Variants in SLIT3 observed in about 807,000 individuals in gnomAD.
SLIT3 encodes the protein slit homolog 3 protein.
In SLIT3, 68 loss-of-function variants were observed where a neutral mutation model predicts 184.0. The ratio of observed to expected loss-of-function variants is 0.37; its 90% CI spans 0.30 to 0.45. The LOEUF (loss-of-function observed/expected upper bound fraction) is 0.45. SLIT3 is among the 20% of genes least tolerant of loss of function. The pLI, the probability that SLIT3 is intolerant of heterozygous loss-of-function variation, is 1.00. For synonymous variants in SLIT3, 831 were observed against 828.6 expected, an observed-to-expected ratio of 1.00 and a Z score of -0.05; for missense variants, 1,707 against 2,026.0, an observed-to-expected ratio of 0.84 and a Z score of 3.02.
Position 168,685,930 on chromosome 5 carries a change from G to A in SLIT3, c.3315-3C>T, listed in dbSNP as rs1454089507. On this transcript the variant is annotated splice_polypyrimidine_tract_variant and splice_region_variant and intron_variant, in intron 30 of 35. Transcript: ENST00000519560. ...GGGGGTGTTCACAGAAGGGTCCACT[G>A]GAAGGCAGGAGAGAATGGGGAGGGA... The A allele has an allele frequency of 6.2e-7, 1 of 1,605,102 alleles. No homozygotes were observed. Among genetic ancestry groups the A allele is most frequent in the Admixed American group, 1.7e-5 (1 of 59,352 alleles).
intron 21 of SLIT3, 87 bp from the exon 22 acceptor site, chr5:168,723,091 C>T (rs1200431797): frequency 1.1e-6 from 1 of 887,974 alleles, no homozygotes; most frequent in Middle Eastern, 2.2e-4. Context: ...TACCTGCCAT[C>T]CACCCACTCA....
intron 32 of SLIT3, among the ~76,000 whole-genome samples, chr5:168,676,103 C>T (rs1761401458): frequency 6.6e-6 from 1 of 152,070 alleles, no homozygotes; most frequent in Non-Finnish European, 1.5e-5. Context: ...ACCCACCCTC[C>T]TCTGCATCCA....
chr5:168,861,665 T>C (rs767380839), intron 5 of SLIT3, among the ~76,000 whole-genome samples: 7 of 152,086 alleles, frequency 4.6e-5, no homozygotes, highest in Non-Finnish European at 7.3e-5. Context: ...CAGAGAAAAT[T>C]TGCACATCCA....
intron 4 of SLIT3, among the ~76,000 whole-genome samples, chr5:169,030,139 G>A (rs1189600543): frequency 2.6e-5 from 4 of 152,144 alleles, no homozygotes; most frequent in African/African-American, 9.7e-5. Flanking sequence ...CCCTCTCCCT[G>A]CTATTATTTA....
At position 168,764,258 on chromosome 5, in the gene SLIT3, C is replaced by A. The variant is rs566571008; in HGVS notation, c.1460-1569G>T. Among the ~76,000 whole-genome samples the A allele has an allele frequency of 4.6e-5, 7 of 152,266 alleles. No homozygotes were observed. The South Asian group carries it at 1.5e-3, about 32-fold the overall frequency. On this transcript the variant is annotated intron_variant, in intron 14 of 35. Coordinates refer to ENST00000519560, the MANE Select transcript of SLIT3 (RefSeq NM_003062.4). Reference sequence around the variant, plus strand: ...TGAATGTAGCTAGCAGTAACAGTGGCCATTTACTGAACATATACTGAGCCG... The same window carrying A: ...TGAATGTAGCTAGCAGTAACAGTGGACATTTACTGAACATATACTGAGCCG...
At chr5:169,106,742 A>G (rs1198485311) in intron 4 of SLIT3, among the ~76,000 whole-genome samples, 1 of 152,162 alleles carries the variant, frequency 6.6e-6, no homozygotes, top group Admixed American at 6.5e-5. Flanking sequence ...ATAATTTACT[A>G]ACTTCATTTC....
At chr5:169,137,189 C>T (rs996136671) in intron 4 of SLIT3, among the ~76,000 whole-genome samples, 4 of 152,130 alleles carry the variant, frequency 2.6e-5, no homozygotes, top group African/African-American at 7.2e-5. Context: ...TACTTTACCT[C>T]GCCCAACTCT....
chr5:168,687,103 G>C lies in SLIT3; in HGVS notation c.3190C>G (p.Pro1064Ala), dbSNP rs10072243. Residue 1064 changes from proline to alanine, a missense_variant, in exon 30 of 36, where the codon CCT (proline) becomes GCT (alanine). Physicochemically the swap from Pro to Ala is conservative, Grantham distance 27 (BLOSUM62 -1). Around this residue, in one of 3 missense-constraint regions of SLIT3, gnomAD observed 1,307 missense variants for 1,511.6 expected, o/e 0.86. Transcript: ENST00000519560. ...LDKGFSCECV[P>A]GYSGKLCETD... ...TCACAGAGCTTCCCGCTGTAGCCAG[G>C]GACACACTCGCAGCTGGAACATAGG... 5.5e-3 allele frequency: 8,887 copies of C among 1,614,000 alleles called. 415 individuals carry two copies. The African/African-American group carries it at 0.1, about 19-fold the overall frequency.
chr5:169,128,277 T>C lies in SLIT3; in HGVS notation c.413+65202A>G, dbSNP rs1397318242. Among the ~76,000 whole-genome samples the C allele has an allele frequency of 9.5e-5, 14 of 147,518 alleles. No individual in the cohort carries two copies. The Admixed American group carries it at 9.5e-4, about 10-fold the overall frequency. On this transcript the variant is annotated intron_variant, in intron 4 of 35. Coordinates refer to ENST00000519560, the MANE Select transcript of SLIT3 (RefSeq NM_003062.4). ...ATATATATATACATATATATATTTA[T>C]ATATATATATATAATTTATATGTGT...
chr5:168,811,793 G>A lies in SLIT3; in HGVS notation c.794-5206C>T, dbSNP rs188990242. Among the ~76,000 whole-genome samples, 10 of 152,312 alleles carry A rather than the reference G, an allele frequency of 6.6e-5. No individual in the cohort carries two copies. The East Asian group carries it at 1.5e-3, about 24-fold the overall frequency. On this transcript the variant is annotated intron_variant, in intron 8 of 35. Coordinates refer to ENST00000519560, the MANE Select transcript of SLIT3 (RefSeq NM_003062.4). The stretch of plus-strand genomic sequence containing the variant: ...AATGTCAATTAGTACAGCTACAACG[G>A]AAAACAGTATGGAGGTTCCTCATAA...
intron 4 of SLIT3, among the ~76,000 whole-genome samples, chr5:169,080,511 C>T (rs567567339): frequency 6.6e-6 from 1 of 152,232 alleles, no homozygotes; most frequent in African/African-American, 2.4e-5. Flanking sequence ...GATTTGATCC[C>T]AGGGAGTCTG....
At chr5:169,075,929 A>G (rs1036511190) in intron 4 of SLIT3, among the ~76,000 whole-genome samples, 3 of 152,218 alleles carry the variant, frequency 2.0e-5, no homozygotes, top group Middle Eastern at 3.2e-3. Context: ...AATACCTGCC[A>G]GAAGAGTTGG....
At chr5:169,028,567 AATC>A (rs1286689151) in intron 4 of SLIT3, among the ~76,000 whole-genome samples, 1 of 152,260 alleles carries the variant, frequency 6.6e-6, no homozygotes, top group Non-Finnish European at 1.5e-5. Flanking sequence ...TAAATGCTAT[AATC>A]ATCATTGCTT....
intron 16 of SLIT3, among the ~76,000 whole-genome samples, chr5:168,755,407 T>TCC (rs1754876470): frequency 4.8e-5 from 1 of 20,884 alleles, no homozygotes; most frequent in South Asian, 1.7e-3. Flanking sequence ...CTTTCTTTCT[T>TCC]TCTTTCTTTC....
At chr5:168,869,675 C>T (rs986272395) in intron 5 of SLIT3, among the ~76,000 whole-genome samples, 16 of 152,064 alleles carry the variant, frequency 1.1e-4, no homozygotes, top group Admixed American at 4.6e-4. Context: ...TCTCTATTAG[C>T]AGAAAGAGGA....
chr5:169,169,028 A>C (rs1461158530), intron 4 of SLIT3, among the ~76,000 whole-genome samples: 1 of 111,250 alleles, frequency 9.0e-6, no homozygotes, highest in African/African-American at 2.7e-5. Flanking sequence ...GAGCAGGGTC[A>C]GCCCAGAGTG....
intron 32 of SLIT3, among the ~76,000 whole-genome samples, chr5:168,674,044 T>C (rs1357029646): frequency 1.3e-5 from 2 of 152,358 alleles, no homozygotes; most frequent in African/African-American, 4.8e-5. Flanking sequence ...GTGGTTTTTA[T>C]ATTTTTTTCT....
intron 4 of SLIT3, among the ~76,000 whole-genome samples, chr5:169,160,131 G>T (rs1762432396): frequency 6.6e-6 from 1 of 152,194 alleles, no homozygotes; most frequent in East Asian, 1.9e-4. Context: ...TGTTCCTTTA[G>T]TTGAACTTAA....
intron 4 of SLIT3, among the ~76,000 whole-genome samples, chr5:169,041,284 G>A (rs1757440473): frequency 1.3e-5 from 2 of 152,168 alleles, no homozygotes; most frequent in Admixed American, 1.3e-4. Flanking sequence ...GCTGAGCACT[G>A]GGGATAAAGA....
Sources: allele counts gnomAD v4.1 joint callset (sites outside exome capture counted in the v4.1 genomes callset), GRCh38; gene constraint gnomAD v4.1.1; regional missense constraint gnomAD v4.1.1; transcripts MANE v1.5; gene names NCBI Gene and HGNC (gene_info 2026-07-23, HGNC 2026-07-21).